CDH4: variants seen among roughly 807,000 people sequenced by gnomAD.
CDH4 encodes cadherin-4.
A neutral mutation model predicts 86.0 loss-of-function variants in CDH4; 33 were observed. The ratio of observed to expected loss-of-function variants is 0.38; its 90% CI spans 0.29 to 0.51. The LOEUF (loss-of-function observed/expected upper bound fraction) is 0.51, where lower values mean the gene tolerates loss of function less well. Ranked by LOEUF, CDH4 falls within the 20% of genes least tolerant of loss-of-function variation. The pLI, the probability that CDH4 is intolerant of heterozygous loss-of-function variation, is 0.86. For synonymous variants in CDH4, 555 were observed against 549.4 expected (o/e 1.01, Z -0.14); for missense variants, 1,114 against 1,307.4 (o/e 0.85, Z 2.28).
At chr20:61,722,313 G>A (rs1264138932) in intron 2 of CDH4, among the ~76,000 whole-genome samples, 2 of 152,106 alleles carry the variant, frequency 1.3e-5, no homozygotes, top group Non-Finnish European at 1.5e-5. Flanking sequence ...ACGACCTCTA[G>A]CCCAGCGTGC....
Position 61,932,971 on chromosome 20 carries a change from G to GC in CDH4, c.2240-11dup. 6.2e-7 allele frequency: 1 copy of GC among 1,609,544 alleles called. No homozygotes were observed. The highest frequency in any genetic ancestry group is 1.7e-4 in the Middle Eastern group (1 of 6,052). ...CCGCAGCACACCCTGCTCACGGGCA[G>GC]CCCTCCCCCACAGCCATGGTCCTGC... is the stretch of plus-strand genomic sequence containing the variant. On this transcript the variant is annotated splice_polypyrimidine_tract_variant and intron_variant, in intron 13 of 15. Transcript: ENST00000614565.
intron 7 of CDH4, among the ~76,000 whole-genome samples, chr20:61,877,240 C>A (rs1984068486): frequency 6.6e-6 from 1 of 152,174 alleles, no homozygotes; most frequent in African/African-American, 2.4e-5. Flanking sequence ...ATCTCCCCAC[C>A]CACTGGCCAG....
rs1041563113 is a variant in CDH4, at chr20:61,709,810, C to T, written c.170-33753C>T. 1.3e-5 allele frequency among the ~76,000 whole-genome samples: 2 copies of T among 152,154 alleles called. No individual in the cohort carries two copies. The highest frequency in any genetic ancestry group is 2.9e-5 in the Non-Finnish European group (2 of 68,034). The stretch of plus-strand genomic sequence containing the variant: ...GAGGTTCTTTCTTCTTGTTTTCCCA[C>T]AGATGGCACAAGCTAATTATTCTCA... On this transcript the variant is annotated intron_variant, in intron 2 of 15. Coordinates refer to ENST00000614565, the MANE Select transcript of CDH4 (RefSeq NM_001794.5). This position sits in a 1 kb window ranked among gnomAD's most constrained non-coding sequence, Gnocchi z 4.8.
rs2427156 is a variant in CDH4, at chr20:61,516,024, T to C, written c.170-227539T>C. On this transcript the variant is annotated intron_variant, in intron 2 of 15. Transcript: ENST00000614565. This position sits in a 1 kb window ranked among gnomAD's most constrained non-coding sequence, Gnocchi z 4.0. ...GAACTTCTCCAGCCCCATCTTCCCC[T>C]GGGCTCTGGAACGCCCCCCCAATAC... Among the ~76,000 whole-genome samples, 92,045 of 151,858 alleles carry C rather than the reference T, an allele frequency of 0.61. 28,416 individuals carry two copies. Among genetic ancestry groups the C allele is most frequent in the African/African-American group, 0.72 (29,763 of 41,420 alleles).
intron 6 of CDH4, among the ~76,000 whole-genome samples, chr20:61,869,760 C>T (rs1302990479): frequency 6.6e-6 from 1 of 152,196 alleles, no homozygotes; most frequent in Non-Finnish European, 1.5e-5. Flanking sequence ...CAGGCCCCTT[C>T]CGCCGAGGGA....
At chr20:61,410,007 C>T (rs1169687188) in intron 2 of CDH4, among the ~76,000 whole-genome samples, 2 of 152,230 alleles carry the variant, frequency 1.3e-5, no homozygotes, top group African/African-American at 2.4e-5. Context: ...TGGCCTGCCA[C>T]AGGGTGTACA....
At chr20:61,893,160 A>G (rs1365559282) in intron 7 of CDH4, among the ~76,000 whole-genome samples, 7 of 75,276 alleles carry the variant, frequency 9.3e-5, no homozygotes, top group Admixed American at 1.8e-4. Flanking sequence ...GGGTGAATAG[A>G]GGGATGGTGG....
intron 2 of CDH4, among the ~76,000 whole-genome samples, chr20:61,621,330 G>A (rs535972335): frequency 3.3e-5 from 5 of 152,336 alleles, no homozygotes; most frequent in Middle Eastern, 3.4e-3. Flanking sequence ...ACAACAGCCT[G>A]TCTCCTCTGC....
chr20:61,686,970 G>A (rs764923855), intron 2 of CDH4, among the ~76,000 whole-genome samples: 1 of 76,508 alleles, frequency 1.3e-5, no homozygotes, highest in East Asian at 4.1e-4. Context: ...CTGCTCCCCC[G>A]ACTAGCAAGG....
intron 13 of CDH4, among the ~76,000 whole-genome samples, chr20:61,931,209 T>C (rs968648322): frequency 4.6e-5 from 7 of 152,244 alleles, no homozygotes; most frequent in Non-Finnish European, 1.0e-4. Flanking sequence ...CTTCAAAGGT[T>C]CTTGGCCTTG....
rs2085774012 is a variant in CDH4 at position 61,510,806 on chromosome 20, G to T, written c.170-232757G>T. Among the ~76,000 whole-genome samples the T allele has an allele frequency of 6.6e-6, 1 of 152,030 alleles. No individual in the cohort carries two copies. ...ATTTATAAAAGAAAGAGGTTTAATT[G>T]GCTCAAGGTTCTGCAGACTTTGCAG... On this transcript the variant is annotated intron_variant, in intron 2 of 15. Coordinates refer to ENST00000614565, the MANE Select transcript of CDH4 (RefSeq NM_001794.5). The surrounding 1 kb of genome is among the most constrained non-coding windows in gnomAD (Gnocchi z 4.2).
intron 2 of CDH4, among the ~76,000 whole-genome samples, chr20:61,412,776 C>T (rs900797897): frequency 6.6e-6 from 1 of 152,132 alleles, no homozygotes; most frequent in African/African-American, 2.4e-5. Context: ...GTTTTTCCTT[C>T]GAACCAGTCC....
At chr20:61,632,883 C>T (rs149532965) in intron 2 of CDH4, among the ~76,000 whole-genome samples, 4 of 143,818 alleles carry the variant, frequency 2.8e-5, no homozygotes, top group African/African-American at 7.7e-5. Context: ...CATCCACTCA[C>T]CCATCCACCT....
chr20:61,554,767 A>G (rs1364342851), intron 2 of CDH4, among the ~76,000 whole-genome samples: 5 of 152,262 alleles, frequency 3.3e-5, no homozygotes, highest in African/African-American at 4.8e-5. Context: ...ATATGTGCAT[A>G]TGTGCATGGT....
At chr20:61,779,717 CA>C (rs1978436895) in intron 4 of CDH4, among the ~76,000 whole-genome samples, 1 of 152,232 alleles carries the variant, frequency 6.6e-6, no homozygotes, top group African/African-American at 2.4e-5. Context: ...TGAAAGGGCA[CA>C]TGGCTGCCCT....
chr20:61,252,630 C>A lies in CDH4; in HGVS notation c.57+60C>A. The A allele has an allele frequency of 9.7e-7, 1 of 1,034,934 alleles. No homozygotes were observed. Among genetic ancestry groups the A allele is most frequent in the Non-Finnish European group, 1.2e-6 (1 of 819,704 alleles). 64.1% of individuals were successfully genotyped at this position (1,034,934 alleles called of 1,614,324 possible). The stretch of plus-strand genomic sequence containing the variant: ...GCCCCGGGCAGCGGGAGGTCGTCCC[C>A]GGATCCCGCGGGGCGCTCACACACC... On this transcript the variant is annotated intron_variant, in intron 1 of 15. Transcript: ENST00000614565. The surrounding 1 kb of genome is among the most constrained non-coding windows in gnomAD (Gnocchi z 4.4).
chr20:61,602,176 C>T (rs2427172), intron 2 of CDH4, among the ~76,000 whole-genome samples: 91,569 of 152,070 alleles, frequency 0.6, 29,250 homozygotes, highest in Non-Finnish European at 0.71. Flanking sequence ...GGGTGTCCAG[C>T]TGAGCCCTCC....
At chr20:61,868,511 A>G (rs796088944) in intron 6 of CDH4, among the ~76,000 whole-genome samples, 20 of 152,290 alleles carry the variant, frequency 1.3e-4, no homozygotes, top group African/African-American at 3.9e-4. Context: ...GGGAAGGGCC[A>G]GCATCTCAAC....
intron 2 of CDH4, among the ~76,000 whole-genome samples, chr20:61,460,199 T>G (rs1206431480): frequency 6.6e-6 from 1 of 152,226 alleles, no homozygotes; most frequent in Non-Finnish European, 1.5e-5. Flanking sequence ...TAATAAACAC[T>G]GAATAGCCAG....
Sources: gnomAD v4.1 joint callset for allele counts (sites outside exome capture counted in the v4.1 genomes callset) on GRCh38, gnomAD v4.1.1 for gene constraint, Gnocchi (gnomAD v3.1) non-coding constraint, MANE v1.5 for transcripts, NCBI Gene and HGNC (gene_info 2026-07-23, HGNC 2026-07-21) for gene names.